Variants in PTPRN2 observed in about 807,000 individuals in gnomAD.
The protein encoded by PTPRN2 is protein tyrosine phosphatase receptor type N2, also known as receptor-type tyrosine-protein phosphatase N2.
Under a neutral mutation model 118.8 loss-of-function variants are expected in PTPRN2, and 74 were observed. The ratio of observed to expected loss-of-function variants is 0.62; its 90% CI spans 0.52 to 0.76. The LOEUF is 0.76. Among genes scored for constraint, PTPRN2 ranks in the 30% least tolerant of loss-of-function variants. The pLI, the probability that PTPRN2 is intolerant of heterozygous loss-of-function variation, is 0.00. For missense variants in PTPRN2, 1,481 were observed against 1,394.4 expected, an observed-to-expected ratio of 1.06 and a Z score of -0.99; for synonymous variants, 641 against 608.0, an observed-to-expected ratio of 1.05 and a Z score of -0.80.
At chr7:157,726,235 T>G (rs1372551342) in intron 12 of PTPRN2, among the ~76,000 whole-genome samples, 1 of 130,354 alleles carries the variant, frequency 7.7e-6, no homozygotes, top group African/African-American at 3.0e-5. Flanking sequence ...CGCAGAGGAG[T>G]GTGGCCAGAC....
chr7:158,126,623 G>C (rs530367085), intron 9 of PTPRN2, among the ~76,000 whole-genome samples: 2 of 100,252 alleles, frequency 2.0e-5, no homozygotes, highest in Non-Finnish European at 3.9e-5. Flanking sequence ...ACCAGCCCCC[G>C]GAGAGCGGGC....
At chr7:157,581,411 T>C (rs1386382202) in intron 17 of PTPRN2, among the ~76,000 whole-genome samples, 3 of 152,214 alleles carry the variant, frequency 2.0e-5, no homozygotes, top group African/African-American at 7.2e-5. Flanking sequence ...GGAGCAATGT[T>C]GCGCTTTGCT....
intron 5 of PTPRN2, among the ~76,000 whole-genome samples, chr7:158,183,428 C>G (rs558300382): frequency 3.3e-5 from 5 of 152,110 alleles, no homozygotes; most frequent in African/African-American, 1.2e-4. Context: ...GCTTCCCACT[C>G]CCCCCTGGGT....
In PTPRN2 at chr7:158,480,230, T is replaced by C. The variant is rs1433446918; in HGVS notation, c.163+9505A>G. Among the ~76,000 whole-genome samples the C allele has an allele frequency of 2.0e-5, 3 of 152,192 alleles. 1 individual carries two copies. Among genetic ancestry groups the C allele is most frequent in the Admixed American group, 1.3e-4 (2 of 15,282 alleles). On this transcript the variant is annotated intron_variant, in intron 2 of 22. Transcript: ENST00000389418. ...ACGTGCTCATCGCCTGTCTCTGTGC[T>C]ACCTTTTGGTAATTTCCACAGTGTT...
chr7:158,521,883 G>C (rs71547545), intron 1 of PTPRN2, among the ~76,000 whole-genome samples: 14 of 82,998 alleles, frequency 1.7e-4, no homozygotes, highest in Admixed American at 5.5e-4. Context: ...CACAATGGTG[G>C]ACTGTCCAGG....
At chr7:158,314,440 G>A (rs577183584) in intron 3 of PTPRN2, among the ~76,000 whole-genome samples, 4 of 152,360 alleles carry the variant, frequency 2.6e-5, no homozygotes, top group African/African-American at 4.8e-5. Flanking sequence ...GTTTGTCCCT[G>A]CGTGGGCAGC....
At chr7:157,778,657 CT>C (rs1803488019) in intron 12 of PTPRN2, among the ~76,000 whole-genome samples, 1 of 150,206 alleles carries the variant, frequency 6.7e-6, no homozygotes, top group Non-Finnish European at 1.5e-5. Flanking sequence ...AATACAGGCA[CT>C]GGATGCCCAC....
intron 3 of PTPRN2, among the ~76,000 whole-genome samples, chr7:158,218,982 A>C (rs1828152706): frequency 6.6e-6 from 1 of 152,182 alleles, no homozygotes; most frequent in Non-Finnish European, 1.5e-5. Context: ...TAATAGGGGG[A>C]GATTTCAATA....
At chr7:158,043,390 G>A (rs138596975) in intron 11 of PTPRN2, among the ~76,000 whole-genome samples, 3 of 150,234 alleles carry the variant, frequency 2.0e-5, no homozygotes, top group Non-Finnish European at 4.4e-5. Context: ...GGAGGATCAG[G>A]GATCAGGGAT....
At chr7:158,443,766 C>G (rs1817534575) in intron 2 of PTPRN2, among the ~76,000 whole-genome samples, 1 of 152,188 alleles carries the variant, frequency 6.6e-6, no homozygotes, top group Admixed American at 6.5e-5. Context: ...CTGTGGCCAG[C>G]AGGTGAATCA....
chr7:158,505,296 G>A (rs1822659126), intron 1 of PTPRN2, among the ~76,000 whole-genome samples: 1 of 152,216 alleles, frequency 6.6e-6, no homozygotes, highest in African/African-American at 2.4e-5. Context: ...TTTGGGACCT[G>A]CTGATGCGAT....
At chr7:158,341,037 C>T (rs1464425668) in intron 2 of PTPRN2, among the ~76,000 whole-genome samples, 3 of 14,026 alleles carry the variant, frequency 2.1e-4, no homozygotes, top group Non-Finnish European at 4.8e-4. Flanking sequence ...CCACACTCAC[C>T]ATGAGGTGAC....
At chr7:158,327,362 TTGTC>T (rs1563143654) in intron 2 of PTPRN2, among the ~76,000 whole-genome samples, 1 of 122,800 alleles carries the variant, frequency 8.1e-6, no homozygotes, top group Non-Finnish European at 1.8e-5. Context: ...CATGTACACA[TTGTC>T]ACACACACAT....
chr7:158,246,786 C>T (rs769111375), intron 3 of PTPRN2, among the ~76,000 whole-genome samples: 3 of 151,988 alleles, frequency 2.0e-5, no homozygotes, highest in African/African-American at 2.4e-5. Flanking sequence ...CAGGCGTGTG[C>T]TTCCCATGGC....
At chr7:158,383,077 C>A (rs898464954) in intron 2 of PTPRN2, among the ~76,000 whole-genome samples, 1 of 152,128 alleles carries the variant, frequency 6.6e-6, no homozygotes, top group Non-Finnish European at 1.5e-5. Flanking sequence ...CATTAATGTT[C>A]ATCATGACAT....
intron 15 of PTPRN2, chr7:157,614,007 G>A (rs552471460): frequency 1.1e-5 from 5 of 471,256 alleles, no homozygotes; most frequent in South Asian, 7.7e-5. Context: ...ATTCTTGCTG[G>A]TGGAAGACCA....
At chr7:158,040,877 C>T (rs969190481) in intron 11 of PTPRN2, among the ~76,000 whole-genome samples, 122 of 152,150 alleles carry the variant, frequency 8.0e-4, no homozygotes, top group Non-Finnish European at 1.5e-4. Flanking sequence ...GGATTACAGG[C>T]ATGCACCACC....
chr7:158,274,026 C>A (rs113350652), intron 3 of PTPRN2, among the ~76,000 whole-genome samples: 2,251 of 44,790 alleles, frequency 0.05, no homozygotes, highest in Middle Eastern at 0.14. Context: ...ACAGGGGGAG[C>A]CGCAGACACA....
rs117412986 is a variant in PTPRN2 at position 158,092,825 on chromosome 7, G to A, written c.1644-11448C>T. Reference sequence around the variant, plus strand: ...CCAGCCCCTCAGCCTCGAGGTAGAGGCACAGGGGAACTTCCAAGAAACCAG... The same window carrying A: ...CCAGCCCCTCAGCCTCGAGGTAGAGACACAGGGGAACTTCCAAGAAACCAG... On this transcript the variant is annotated intron_variant, in intron 10 of 22. Coordinates refer to ENST00000389418, the MANE Select transcript of PTPRN2 (RefSeq NM_002847.5). Among the ~76,000 whole-genome samples, 41 of 152,290 alleles carry A rather than the reference G, an allele frequency of 2.7e-4. No homozygotes were observed. The East Asian group carries it at 6.6e-3, about 24-fold the overall frequency.
Sources: allele counts gnomAD v4.1 joint callset (sites outside exome capture counted in the v4.1 genomes callset), GRCh38; gene constraint gnomAD v4.1.1; transcripts MANE v1.5; gene names NCBI Gene and HGNC (gene_info 2026-07-23, HGNC 2026-07-21).